SLC26A5: variants seen among roughly 807,000 people sequenced by gnomAD.
SLC26A5 encodes the protein solute carrier family 26 member 5.
Under a neutral mutation model 81.0 loss-of-function variants are expected in SLC26A5, and 51 were observed. The ratio of observed to expected loss-of-function variants is 0.63; its 90% CI spans 0.50 to 0.80. The LOEUF (loss-of-function observed/expected upper bound fraction) is 0.80, where lower values mean the gene tolerates loss of function less well. SLC26A5 is among the 30% of genes least tolerant of loss of function. The pLI is 0.00. For missense variants in SLC26A5, 771 were observed against 905.8 expected (o/e 0.85, Z 1.91); for synonymous variants, 325 against 332.8 (o/e 0.98, Z 0.25).
chr7:103,388,949 A>G, intron 14 of SLC26A5, 59 bp downstream of exon 14: 2 of 1,309,030 alleles, frequency 1.5e-6, no homozygotes, highest in African/African-American at 1.5e-5. Flanking sequence ...GTCTACACCT[A>G]AAGTCAACAT....
chr7:103,407,182 G>T (rs1824125147), intron 8 of SLC26A5, among the ~76,000 whole-genome samples: 1 of 152,194 alleles, frequency 6.6e-6, no homozygotes, highest in African/African-American at 2.4e-5. Flanking sequence ...TTGCTGTGAT[G>T]AAAAAGCAGG....
intron 2 of SLC26A5, among the ~76,000 whole-genome samples, chr7:103,428,558 C>CTT (rs10592922): frequency 2.0e-4 from 24 of 118,072 alleles, no homozygotes; most frequent in South Asian, 5.6e-4. Flanking sequence ...CCTGCCAGTA[C>CTT]TTTTTTTTTT....
At chr7:103,384,947 T>C (rs1039274367) in intron 14 of SLC26A5, among the ~76,000 whole-genome samples, 1 of 152,194 alleles carries the variant, frequency 6.6e-6, no homozygotes, top group Admixed American at 6.5e-5. Context: ...CCATGTCTTA[T>C]ATACTGCACT....
Position 103,379,402 on chromosome 7 carries a change from C to G in SLC26A5, c.1585-67G>C, listed in dbSNP as rs149274634. 3,360 of 1,032,654 alleles carry G rather than the reference C, an allele frequency of 3.3e-3. 111 individuals are homozygous for G. The Admixed American group carries it at 0.054, about 17-fold the overall frequency. 64.0% of individuals were successfully genotyped at this position (1,032,654 alleles called of 1,614,324 possible). ...TTCAGAATCAAAACTGCATAGCTTCCCCACCCCAAATAGAAAATGAATGCA... is the reference window on the plus strand; with the variant it reads ...TTCAGAATCAAAACTGCATAGCTTCGCCACCCCAAATAGAAAATGAATGCA... On this transcript the variant is annotated intron_variant, in intron 15 of 19. Transcript: ENST00000306312.
exon 20 of SLC26A5, chr7:103,352,855 A>G (rs1466060002): frequency 1.3e-6 from 1 of 780,754 alleles, no homozygotes; most frequent in African/African-American, 1.7e-5. Context: ...ACCTGGCCCC[A>G]AAGCCTGAAC....
rs112145689 is a variant in SLC26A5 at position 103,406,873 on chromosome 7, G to A, written c.888+978C>T. Reference sequence around the variant, plus strand: ...TCACCATGTTAGCCAGGCTGGCCTCGAACTCCTGGCCTCAAGTGATCTGCC... The same window carrying A: ...TCACCATGTTAGCCAGGCTGGCCTCAAACTCCTGGCCTCAAGTGATCTGCC... On this transcript the variant is annotated intron_variant, in intron 8 of 19. Coordinates refer to ENST00000306312, the MANE Select transcript of SLC26A5 (RefSeq NM_198999.3). Among the ~76,000 whole-genome samples, 1,160 of 152,152 alleles carry A rather than the reference G, an allele frequency of 7.6e-3. 18 individuals are homozygous for A. The highest frequency in any genetic ancestry group is 0.026 in the African/African-American group (1,070 of 41,512).
At chr7:103,404,962 T>C (rs74582998) in intron 8 of SLC26A5, among the ~76,000 whole-genome samples, 2,105 of 152,216 alleles carry the variant, frequency 0.014, 47 homozygotes, top group African/African-American at 0.048. Context: ...TACCCTTTCT[T>C]CTGTTTGATT....
rs544785323 is a variant in SLC26A5, at chr7:103,374,636, A to G, written c.2042-44T>C. 58 of 1,573,946 alleles carry G rather than the reference A, an allele frequency of 3.7e-5. No individual in the cohort carries two copies. The African/African-American group carries it at 7.6e-4, about 21-fold the overall frequency. Reference sequence around the variant, plus strand: ...AAAATTAGTCCACACTCTGGATATCAGTCTTCAACAATTAAAAAAAAGTAA... The same window carrying G: ...AAAATTAGTCCACACTCTGGATATCGGTCTTCAACAATTAAAAAAAAGTAA... On this transcript the variant is annotated intron_variant, in intron 19 of 19. Coordinates refer to ENST00000306312, the MANE Select transcript of SLC26A5 (RefSeq NM_198999.3).
At chr7:103,355,859 T>G in intron 19 of SLC26A5, 2 of 1,110,642 alleles carry the variant, frequency 1.8e-6, no homozygotes, top group East Asian at 4.8e-5. Flanking sequence ...TGTTAGAGTC[T>G]CAGGGATAAT....
At chr7:103,424,301 C>T (rs187039154) in intron 2 of SLC26A5, among the ~76,000 whole-genome samples, 9 of 152,234 alleles carry the variant, frequency 5.9e-5, no homozygotes, top group South Asian at 2.1e-4. Flanking sequence ...ACTTGGTATA[C>T]GCTTCCATTC....
At chr7:103,405,693 G>C (rs1823991449) in intron 8 of SLC26A5, among the ~76,000 whole-genome samples, 1 of 152,226 alleles carries the variant, frequency 6.6e-6, no homozygotes, top group African/African-American at 2.4e-5. Context: ...ACCCTTAGCA[G>C]AGCTCGAATG....
chr7:103,407,744 G>T, intron 8 of SLC26A5, 107 bp downstream of exon 8: 8 of 1,269,630 alleles, frequency 6.3e-6, no homozygotes, highest in South Asian at 2.8e-5. Flanking sequence ...CCTTCTTTTG[G>T]CAGAATTGAG....
chr7:103,376,757 A>T, intron 19 of SLC26A5, 51 bp downstream of exon 19: 1 of 1,242,180 alleles, frequency 8.1e-7, no homozygotes, highest in Non-Finnish European at 1.2e-6. Context: ...TTTAAATAAG[A>T]GAAACAAAAC....
chr7:103,444,647 C>A (rs571476672), intron 1 of SLC26A5, among the ~76,000 whole-genome samples: 2 of 152,100 alleles, frequency 1.3e-5, no homozygotes, highest in African/African-American at 4.8e-5. Context: ...TAATGAGGAA[C>A]GTGTAACTCT....
In SLC26A5 at chr7:103,392,663, C is replaced by T. The variant is rs533759410; in HGVS notation, c.1119+256G>A. Among the ~76,000 whole-genome samples, 379 of 152,316 alleles carry T rather than the reference C, an allele frequency of 2.5e-3. 2 individuals are homozygous for T. The highest frequency in any genetic ancestry group is 0.021 in the South Asian group (102 of 4,824). On this transcript the variant is annotated intron_variant, in intron 10 of 19. Transcript: ENST00000306312. ...CGCGACCTCGGCTCACTGCAAGCTC[C>T]GCCTCCTGGGTTCATGCCATTCTCC...
chr7:103,407,881 C>T lies in SLC26A5; in HGVS notation c.858G>A (p.Leu286=). ...AGAACTCTAAAGGAATAGGCGCCGG[C>T]AATTTCTCTTTAAATCTCTCATTAA... is the stretch of plus-strand genomic sequence containing the variant. ...KEFNERFKEK[L]PAPIPLEFFA... Residue 286 remains leucine, a synonymous_variant, in exon 8 of 20, where the codon TTG becomes TTA. Coordinates refer to ENST00000306312, the MANE Select transcript of SLC26A5 (RefSeq NM_198999.3). 6.2e-7 allele frequency: 1 copy of T among 1,614,146 alleles called. No individual in the cohort carries two copies. Among genetic ancestry groups the T allele is most frequent in the Non-Finnish European group, 8.5e-7 (1 of 1,180,024 alleles).
At chr7:103,390,199 C>G (rs554037880) in intron 12 of SLC26A5, among the ~76,000 whole-genome samples, 14 of 152,218 alleles carry the variant, frequency 9.2e-5, no homozygotes, top group African/African-American at 3.4e-4. Flanking sequence ...CCCGACTTTG[C>G]AGATAAGGAA....
At chr7:103,362,485 T>A in intron 19 of SLC26A5, 1 of 1,407,478 alleles carries the variant, frequency 7.1e-7, no homozygotes, top group Non-Finnish European at 9.2e-7. Flanking sequence ...GTTTGATTGC[T>A]GTTGGATAGG....
At chr7:103,433,774 C>A (rs1826254149) in intron 2 of SLC26A5, among the ~76,000 whole-genome samples, 1 of 146,962 alleles carries the variant, frequency 6.8e-6, no homozygotes, top group South Asian at 2.1e-4. Context: ...GCGATCTGGG[C>A]TCACTGCAAG....
Sources: gnomAD v4.1 joint callset for allele counts (sites outside exome capture counted in the v4.1 genomes callset) on GRCh38, gnomAD v4.1.1 for gene constraint, MANE v1.5 for transcripts, NCBI Gene and HGNC (gene_info 2026-07-23, HGNC 2026-07-21) for gene names.